The following CFAP57 variants were observed in gnomAD, a reference collection of about 807,000 sequenced individuals.
CFAP57 encodes cilia and flagella associated protein 57.
A neutral mutation model predicts 146.8 loss-of-function variants in CFAP57; 116 were observed. The ratio of observed to expected loss-of-function variants is 0.79; its 90% CI spans 0.68 to 0.92. The LOEUF (loss-of-function observed/expected upper bound fraction) is 0.92. Among genes scored for constraint, CFAP57 ranks in the 40% least tolerant of loss-of-function variants. The pLI is 0.00. For synonymous variants in CFAP57, 518 were observed against 552.8 expected (o/e 0.94, Z 0.88); for missense variants, 1,377 against 1,527.2 (o/e 0.90, Z 1.64).
chr1:43,199,154 C>T (rs1472260951), intron 8 of CFAP57, among the ~76,000 whole-genome samples: 4 of 152,174 alleles, frequency 2.6e-5, no homozygotes, highest in South Asian at 2.1e-4. Flanking sequence ...GTGGTCCCAA[C>T]GGCTTAATGA....
chr1:43,231,841 C>G (rs1324775169), intron 18 of CFAP57, among the ~76,000 whole-genome samples: 1 of 152,174 alleles, frequency 6.6e-6, no homozygotes, highest in Non-Finnish European at 1.5e-5. Context: ...CCACTGCACT[C>G]CAGCCTCGGC....
rs143889464 is a variant in CFAP57 at position 43,215,355 on chromosome 1, G to A, written c.2030G>A (p.Arg677Gln). 2.1e-4 allele frequency: 327 copies of A among 1,551,204 alleles called. No homozygotes were observed. Among genetic ancestry groups the A allele is most frequent in the Middle Eastern group, 5.0e-4 (3 of 5,994 alleles). ...VFDKDGRGIK[R>Q]EREVGFAEEV... The stretch of plus-strand genomic sequence containing the variant: ...GATAAGGATGGCCGGGGAATCAAGC[G>A]AGAGAGGGAGGTGGGCTTTGCCGAA... Residue 677 changes from arginine (R) to glutamine (Q), a missense_variant, in exon 12 of 23, where the codon CGA (arginine) becomes CAA (glutamine). Coordinates refer to ENST00000372492, the MANE Select transcript of CFAP57 (RefSeq NM_001378189.1).
chr1:43,200,756 G>A (rs956114893), intron 9 of CFAP57, among the ~76,000 whole-genome samples: 1 of 152,184 alleles, frequency 6.6e-6, no homozygotes, highest in Non-Finnish European at 1.5e-5. Context: ...GGACACATTT[G>A]AGCAATGATA....
rs1007380063 is a variant in CFAP57, at chr1:43,254,111, A to C, written c.3673A>C (p.Thr1225Pro). ...RDQIQEQEQV[T>P]GFHTLAGVRL... ...CCAGATCCAAGAGCAAGAGCAGGTC[A>C]CAGGGTTCCACACCCTCGCTGGAGT... The change falls in exon 23 of 23, where the codon ACA (threonine) becomes CCA (proline). Residue 1225 changes from threonine (T) to proline (P), a missense_variant. Transcript: ENST00000372492. The C allele has an allele frequency of 3.5e-5, 55 of 1,550,622 alleles. No homozygotes were observed. Among genetic ancestry groups the C allele is most frequent in the Non-Finnish European group, 4.8e-5 (55 of 1,147,042 alleles).
chr1:43,175,657 A>G (rs1001445138), intron 2 of CFAP57, among the ~76,000 whole-genome samples: 1 of 151,908 alleles, frequency 6.6e-6, no homozygotes, highest in African/African-American at 2.4e-5. Flanking sequence ...GAATACAGGC[A>G]TGCACCACCT....
At chr1:43,173,848 A>C (rs1645070643) in intron 2 of CFAP57, among the ~76,000 whole-genome samples, 1 of 152,252 alleles carries the variant, frequency 6.6e-6, no homozygotes, top group Admixed American at 6.5e-5. Context: ...ATTACTGAGC[A>C]ATATGATAGT....
chr1:43,184,383 C>G (rs1439228009), intron 4 of CFAP57, among the ~76,000 whole-genome samples: 2 of 152,166 alleles, frequency 1.3e-5, no homozygotes. Context: ...AATAGAGATG[C>G]CACGTTATCT....
intron 6 of CFAP57, among the ~76,000 whole-genome samples, chr1:43,191,548 C>T (rs1643526183): frequency 6.9e-6 from 1 of 143,956 alleles, no homozygotes. Context: ...GATCGTGCCA[C>T]TGCACTCCAG....
At position 43,209,758 on chromosome 1, in the gene CFAP57, T is replaced by C. The variant is rs753114285; in HGVS notation, c.1771T>C (p.Ser591Pro). 4 of 1,613,994 alleles carry C rather than the reference T, an allele frequency of 2.5e-6. No homozygotes were observed. In the African/African-American group the frequency reaches 4.0e-5, roughly 16 times the overall value. Residue 591 changes from serine to proline, a missense_variant, in exon 11 of 23, where the codon TCG (serine) becomes CCG (proline). Ser to Pro is a moderately conservative substitution (Grantham distance 74). Coordinates refer to ENST00000372492, the MANE Select transcript of CFAP57 (RefSeq NM_001378189.1). ...TGTGTCTCAGATCCTTCGAGAGATA[T>C]CGGCGTTTGATGTCACCTACACCGC... ...IADSLILREI[S>P]AFDVTYTAIV...
intron 2 of CFAP57, among the ~76,000 whole-genome samples, chr1:43,176,396 C>T (rs12402475): frequency 1.8e-4 from 27 of 152,142 alleles, no homozygotes; most frequent in Admixed American, 1.4e-3. Context: ...AAGGGTATTA[C>T]CGGTGAAGGG....
chr1:43,207,999 A>G (rs1024195627), intron 10 of CFAP57, among the ~76,000 whole-genome samples: 1 of 152,250 alleles, frequency 6.6e-6, no homozygotes, highest in Non-Finnish European at 1.5e-5. Flanking sequence ...ACTAGCTGGC[A>G]CATTGTGTGG....
chr1:43,184,246 G>A (rs1017124028), intron 4 of CFAP57, among the ~76,000 whole-genome samples: 4 of 152,162 alleles, frequency 2.6e-5, no homozygotes, highest in African/African-American at 9.7e-5. Flanking sequence ...GGGGACACAA[G>A]TCCTCAAGGA....
chr1:43,227,577 G>A (rs1049879794), intron 18 of CFAP57, among the ~76,000 whole-genome samples: 1 of 152,232 alleles, frequency 6.6e-6, no homozygotes, highest in Non-Finnish European at 1.5e-5. Flanking sequence ...GAAGTCATCA[G>A]AGGCTCTTGA....
At chr1:43,174,741 G>C (rs950457211) in intron 2 of CFAP57, among the ~76,000 whole-genome samples, 1 of 152,164 alleles carries the variant, frequency 6.6e-6, no homozygotes, top group Non-Finnish European at 1.5e-5. Flanking sequence ...GCTTGAACCC[G>C]GGAGGCAGAG....
At chr1:43,241,757 TGAGTCA>T (rs1645931760) in intron 21 of CFAP57, among the ~76,000 whole-genome samples, 1 of 152,114 alleles carries the variant, frequency 6.6e-6, no homozygotes, top group Non-Finnish European at 1.5e-5. Flanking sequence ...TCCAGACCTA[TGAGTCA>T]GAGGGGCATC....
intron 11 of CFAP57, among the ~76,000 whole-genome samples, chr1:43,214,812 G>C (rs1020294660): frequency 6.6e-6 from 1 of 152,064 alleles, no homozygotes; most frequent in Admixed American, 6.6e-5. Flanking sequence ...TATTTTAGCT[G>C]TTCTAATGGG....
intron 22 of CFAP57, among the ~76,000 whole-genome samples, chr1:43,252,657 A>G (rs1177965144): frequency 6.6e-6 from 1 of 152,210 alleles, no homozygotes; most frequent in African/African-American, 2.4e-5. Context: ...TAAAACCAAC[A>G]AAGACTCATA....
rs564743870 is a variant in CFAP57, at chr1:43,198,805, C to G, written c.1428+159C>G. On this transcript the variant is annotated intron_variant, in intron 8 of 22. Coordinates refer to ENST00000372492, the MANE Select transcript of CFAP57 (RefSeq NM_001378189.1). Reference sequence around the variant, plus strand: ...GAAGGAGGAAATCCAGTTATTTTCCCAGCAACCTTATTGAGTATATGGTTC... The same window carrying G: ...GAAGGAGGAAATCCAGTTATTTTCCGAGCAACCTTATTGAGTATATGGTTC... Among the ~76,000 whole-genome samples the G allele has an allele frequency of 9.2e-5, 14 of 152,254 alleles. No homozygotes were observed. The South Asian group carries it at 2.1e-3, about 23-fold the overall frequency.
In CFAP57 at chr1:43,246,081, C is replaced by T. The variant is rs181006621; in HGVS notation, c.3538+2722C>T. On this transcript the variant is annotated intron_variant, in intron 22 of 22. Coordinates refer to ENST00000372492, the MANE Select transcript of CFAP57 (RefSeq NM_001378189.1). ...GTAAGTGGTGGATTGGAAGACTTGT[C>T]GTTAAGATGTCAGTACTACCCAAAG... Among the ~76,000 whole-genome samples the T allele has an allele frequency of 1.0e-3, 154 of 152,288 alleles. 1 individual carries two copies. The highest frequency in any genetic ancestry group is 3.5e-3 in the African/African-American group (146 of 41,562).
Sources: gnomAD v4.1 joint callset for allele counts (sites outside exome capture counted in the v4.1 genomes callset) on GRCh38, gnomAD v4.1.1 for gene constraint, MANE v1.5 for transcripts, NCBI Gene and HGNC (gene_info 2026-07-23, HGNC 2026-07-21) for gene names.